Variants in SEC24A observed in about 807,000 individuals in gnomAD.
SEC24A encodes the protein SEC24 homolog A, COPII component.
In SEC24A, 93 loss-of-function variants were observed where a neutral mutation model predicts 129.4. The ratio of observed to expected loss-of-function variants is 0.72; its 90% confidence interval spans 0.61 to 0.85. The LOEUF (loss-of-function observed/expected upper bound fraction) is 0.85. SEC24A is among the 40% of genes least tolerant of loss of function. The pLI is 0.00. For missense variants in SEC24A, 1,264 were observed against 1,307.4 expected (o/e 0.97, Z 0.51); for synonymous variants, 460 against 467.3 (o/e 0.98, Z 0.20).
chr5:134,669,698 C>T (rs190187651), intron 3 of SEC24A, among the ~76,000 whole-genome samples: 2 of 150,498 alleles, frequency 1.3e-5, no homozygotes, highest in East Asian at 2.0e-4. Context: ...AGGATGGTCT[C>T]GATCTCCTGA....
Position 134,691,739 on chromosome 5 carries a change from C to T in SEC24A, c.1724-863C>T, listed in dbSNP as rs571541504. 1.2e-4 allele frequency among the ~76,000 whole-genome samples: 18 copies of T among 152,160 alleles called. No individual in the cohort carries two copies. In the South Asian group the frequency reaches 3.7e-3, roughly 32 times the overall value. On this transcript the variant is annotated intron_variant, in intron 11 of 22. Transcript: ENST00000398844. ...TGACCTTGTGATCCGCCCGCGTCGG[C>T]CTCCCAAAGTACTGGGATTACAGGC... is the stretch of plus-strand genomic sequence containing the variant.
intron 18 of SEC24A, among the ~76,000 whole-genome samples, chr5:134,709,609 G>A (rs1200562871): frequency 6.6e-6 from 1 of 152,180 alleles, no homozygotes; most frequent in East Asian, 1.9e-4. Context: ...ACTAGAGGCT[G>A]GGTGGTGGGG....
chr5:134,724,340 G>T (rs972700886), intron 22 of SEC24A, among the ~76,000 whole-genome samples: 1 of 152,136 alleles, frequency 6.6e-6, no homozygotes. Context: ...TGTAATCCCA[G>T]CACTTTGAGA....
At chr5:134,691,885 CA>C (rs763382500) in intron 11 of SEC24A, among the ~76,000 whole-genome samples, 1 of 147,012 alleles carries the variant, frequency 6.8e-6, no homozygotes, top group Admixed American at 6.8e-5. Flanking sequence ...TCATGTTAGT[CA>C]AAAAAATTTC....
intron 1 of SEC24A, among the ~76,000 whole-genome samples, chr5:134,657,182 GCACACACA>G (rs70976550): frequency 1.5e-5 from 2 of 136,208 alleles, no homozygotes; most frequent in Non-Finnish European, 3.2e-5. Flanking sequence ...TCTGAAAAAC[GCACACACA>G]CACACACACA....
chr5:134,649,254 G>A (rs1160703437), intron 1 of SEC24A, 81 bp downstream of exon 1: 4 of 1,040,494 alleles, frequency 3.8e-6, no homozygotes, highest in Non-Finnish European at 4.2e-6. Flanking sequence ...AGGCGACATA[G>A]ATAGAGAGAG....
intron 12 of SEC24A, chr5:134,693,148 C>T (rs1751714208): frequency 1.3e-6 from 2 of 1,535,008 alleles, no homozygotes; most frequent in Non-Finnish European, 1.7e-6. Context: ...CTACCCTGTA[C>T]ATGCATATAT....
chr5:134,678,097 C>G (rs1751131862), intron 7 of SEC24A, among the ~76,000 whole-genome samples: 1 of 152,156 alleles, frequency 6.6e-6, no homozygotes, highest in Admixed American at 6.6e-5. Flanking sequence ...TCATAGCTCA[C>G]TGCAGCCTTG....
rs375160952 is a variant in SEC24A, at chr5:134,715,646, A to G, written c.2865+485A>G. Reference sequence around the variant, plus strand: ...AGTGGGAGTTGAACAATGAGAACACATGGGCACAGGGAGGGAAATATCATA... The same window carrying G: ...AGTGGGAGTTGAACAATGAGAACACGTGGGCACAGGGAGGGAAATATCATA... On this transcript the variant is annotated intron_variant, in intron 19 of 22. Transcript: ENST00000398844. 60 of 156,050 alleles carry G rather than the reference A, an allele frequency of 3.8e-4. 1 individual carries two copies. In the South Asian group the frequency reaches 6.9e-3, roughly 18 times the overall value. The allele number at this position is 156,050 out of a possible 1,614,324, so 9.7% of individuals were successfully genotyped here.
chr5:134,700,354 G>A (rs1037785637), intron 15 of SEC24A, among the ~76,000 whole-genome samples: 2 of 151,620 alleles, frequency 1.3e-5, no homozygotes, highest in African/African-American at 4.8e-5. Flanking sequence ...CGAATAACTG[G>A]GACCACAGGC....
chr5:134,694,316 G>A (rs1287077292), intron 13 of SEC24A, among the ~76,000 whole-genome samples: 1 of 152,012 alleles, frequency 6.6e-6, no homozygotes, highest in Non-Finnish European at 1.5e-5. Context: ...ATCTGAGGTT[G>A]GGAGTTTGAG....
At chr5:134,676,970 G>T (rs1483048270) in intron 7 of SEC24A, among the ~76,000 whole-genome samples, 1 of 152,124 alleles carries the variant, frequency 6.6e-6, no homozygotes, top group African/African-American at 2.4e-5. Context: ...GGTACTGAGA[G>T]AAACTAAATA....
chr5:134,699,301 C>CTTTTTTTTTTT (rs1208203003), intron 15 of SEC24A, among the ~76,000 whole-genome samples: 5 of 138,370 alleles, frequency 3.6e-5, no homozygotes, highest in African/African-American at 8.3e-5. Context: ...CCATTTTATC[C>CTTTTTTTTTTT]TTTTTTTTTT....
At chr5:134,690,327 T>C (rs1174312890) in intron 11 of SEC24A, among the ~76,000 whole-genome samples, 1 of 152,170 alleles carries the variant, frequency 6.6e-6, no homozygotes, top group Non-Finnish European at 1.5e-5. Flanking sequence ...GCTATTACTA[T>C]TTTTTTAAAG....
In SEC24A at chr5:134,726,347, T is replaced by G. The variant is rs1402389495; in HGVS notation, c.*1253T>G. 2 of 152,616 alleles carry G rather than the reference T, an allele frequency of 1.3e-5. No homozygotes were observed. The highest frequency in any genetic ancestry group is 6.5e-5 in the Admixed American group (1 of 15,284). The allele number at this position is 152,616 out of a possible 1,614,324, so 9.5% of individuals were successfully genotyped here. Reference sequence around the variant, plus strand: ...TCAGTTTTCACAGATTCATTTTGTCTTAAGAATTTCTTAAATATGTTCATG... The same window carrying G: ...TCAGTTTTCACAGATTCATTTTGTCGTAAGAATTTCTTAAATATGTTCATG... On this transcript the variant is annotated 3_prime_UTR_variant, in exon 23 of 23. Transcript: ENST00000398844.
At chr5:134,657,369 T>A (rs868496004) in intron 1 of SEC24A, among the ~76,000 whole-genome samples, 34 of 151,996 alleles carry the variant, frequency 2.2e-4, no homozygotes, top group African/African-American at 8.0e-4. Flanking sequence ...TTCTTTTCTC[T>A]TTCTGTTCAA....
At chr5:134,670,142 G>T (rs1343562634) in intron 3 of SEC24A, among the ~76,000 whole-genome samples, 1 of 152,168 alleles carries the variant, frequency 6.6e-6, no homozygotes, top group African/African-American at 2.4e-5. Context: ...GCCCAGGCTG[G>T]TGTGAACTCC....
intron 7 of SEC24A, among the ~76,000 whole-genome samples, chr5:134,677,591 A>C (rs1350645109): frequency 6.6e-6 from 1 of 151,272 alleles, no homozygotes; most frequent in Non-Finnish European, 1.5e-5. Context: ...TAATCCTAGC[A>C]CTTTGGGAGG....
Position 134,703,885 on chromosome 5 carries a change from C to T in SEC24A, c.2393C>T (p.Thr798Ile), listed in dbSNP as rs747140917. Residue 798 changes from threonine to isoleucine, a missense_variant, in exon 16 of 23, where the codon ACT becomes ATT. Coordinates refer to ENST00000398844, the MANE Select transcript of SEC24A (RefSeq NM_021982.3). ...TCAGTGGAAGAGAGTCTTACTGACA[C>T]TCAGTTGGTTTCTTTTCAGTCAGCA... ...QMSVEESLTD[T>I]QLVSFQSALL... is the part of the protein sequence containing the mutation. 21 of 1,609,752 alleles carry T rather than the reference C, an allele frequency of 1.3e-5. No homozygotes were observed. The highest frequency in any genetic ancestry group is 1.7e-5 in the Non-Finnish European group (20 of 1,176,570).
Sources: allele counts gnomAD v4.1 joint callset (sites outside exome capture counted in the v4.1 genomes callset), GRCh38; gene constraint gnomAD v4.1.1; transcripts MANE v1.5; gene names NCBI Gene and HGNC (gene_info 2026-07-23, HGNC 2026-07-21).